LUZP2: variants seen among roughly 807,000 people sequenced by gnomAD.
The protein encoded by LUZP2 is leucine zipper protein 2.
Under a neutral mutation model 51.6 loss-of-function variants are expected in LUZP2, and 52 were observed. The ratio of observed to expected loss-of-function variants is 1.01; its 90% CI spans 0.81 to 1.27. The LOEUF is 1.27. LUZP2 is among the 50% of genes most tolerant of loss of function. The pLI is 0.00. For synonymous variants in LUZP2, 154 were observed against 137.3 expected (o/e 1.12, Z -0.85); for missense variants, 436 against 395.4 (o/e 1.10, Z -0.87).
intron 1 of LUZP2, among the ~76,000 whole-genome samples, chr11:24,723,999 G>A (rs1329542028): frequency 1.3e-5 from 2 of 152,110 alleles, no homozygotes; most frequent in Non-Finnish European, 2.9e-5. Flanking sequence ...ATAATTTTAA[G>A]TCACAGAAGT....
At chr11:24,850,759 A>C (rs1851367243) in intron 5 of LUZP2, among the ~76,000 whole-genome samples, 1 of 152,156 alleles carries the variant, frequency 6.6e-6, no homozygotes, top group Non-Finnish European at 1.5e-5. Context: ...TGAGCATGGA[A>C]TATTTTTCCA....
chr11:24,733,442 G>A (rs186130607), intron 3 of LUZP2, among the ~76,000 whole-genome samples: 91 of 151,740 alleles, frequency 6.0e-4, no homozygotes, highest in Admixed American at 3.5e-3. Context: ...TTATTCAGTC[G>A]GAAAATAGAA....
chr11:24,636,343 A>G (rs1855105923), intron 1 of LUZP2, among the ~76,000 whole-genome samples: 1 of 152,132 alleles, frequency 6.6e-6, no homozygotes, highest in Admixed American at 6.6e-5. Flanking sequence ...AATATAATCA[A>G]CCTGGAGCTA....
intron 5 of LUZP2, among the ~76,000 whole-genome samples, chr11:24,786,945 C>T (rs937534332): frequency 2.0e-5 from 3 of 152,030 alleles, no homozygotes; most frequent in African/African-American, 7.2e-5. Context: ...TAATAACTGC[C>T]ACTAAAACAG....
chr11:24,687,789 G>T (rs1483932091), intron 1 of LUZP2, among the ~76,000 whole-genome samples: 1 of 152,114 alleles, frequency 6.6e-6, no homozygotes, highest in African/African-American at 2.4e-5. Flanking sequence ...CTGGTCTGAA[G>T]ATCTAAATAT....
At chr11:24,957,638 C>T (rs1855248493) in intron 7 of LUZP2, among the ~76,000 whole-genome samples, 1 of 152,104 alleles carries the variant, frequency 6.6e-6, no homozygotes, top group African/African-American at 2.4e-5. Context: ...GCATAATGCT[C>T]TTCAATTCCA....
chr11:24,960,190 A>G (rs905688078), intron 7 of LUZP2, among the ~76,000 whole-genome samples: 1 of 152,146 alleles, frequency 6.6e-6, no homozygotes, highest in Non-Finnish European at 1.5e-5. Context: ...ATGTTCATCA[A>G]GGATATTGTT....
At chr11:25,070,280 C>A (rs1445394213) in intron 10 of LUZP2, among the ~76,000 whole-genome samples, 1 of 151,848 alleles carries the variant, frequency 6.6e-6, no homozygotes, top group Non-Finnish European at 1.5e-5. Context: ...TAACCATCCC[C>A]CAGAAGTGTA....
intron 5 of LUZP2, among the ~76,000 whole-genome samples, chr11:24,881,099 CT>C (rs1852453255): frequency 1.3e-5 from 2 of 151,996 alleles, no homozygotes; most frequent in South Asian, 4.1e-4. Flanking sequence ...GCCAGGTAAG[CT>C]TAAGAGATTC....
chr11:25,060,708 T>G (rs1355246532), intron 10 of LUZP2, among the ~76,000 whole-genome samples: 4 of 152,294 alleles, frequency 2.6e-5, no homozygotes, highest in Middle Eastern at 3.4e-3. Flanking sequence ...TTTTCAACAG[T>G]ATAAATAAAA....
chr11:24,881,271 C>A (rs1852458319), intron 5 of LUZP2, among the ~76,000 whole-genome samples: 1 of 149,420 alleles, frequency 6.7e-6, no homozygotes. Context: ...AAGAGTCATG[C>A]TTGATAAAGA....
chr11:25,015,908 T>G (rs1036984879), intron 9 of LUZP2, among the ~76,000 whole-genome samples: 1 of 151,716 alleles, frequency 6.6e-6, no homozygotes, highest in Non-Finnish European at 1.5e-5. Flanking sequence ...TTTTTTTTTT[T>G]TTGTATTTTT....
chr11:24,695,450 G>A (rs2133897299), intron 1 of LUZP2, among the ~76,000 whole-genome samples: 1 of 152,040 alleles, frequency 6.6e-6, no homozygotes, highest in Admixed American at 6.6e-5. Flanking sequence ...TCAACAATTG[G>A]TTATTTCTTT....
At chr11:24,527,409 A>G (rs1172026575) in intron 1 of LUZP2, among the ~76,000 whole-genome samples, 1 of 149,800 alleles carries the variant, frequency 6.7e-6, no homozygotes, top group Non-Finnish European at 1.5e-5. Flanking sequence ...TTGCAGTTCT[A>G]AGAGTAAATA....
chr11:24,895,300 T>G (rs536139800), intron 5 of LUZP2, among the ~76,000 whole-genome samples: 1 of 152,138 alleles, frequency 6.6e-6, no homozygotes, highest in South Asian at 2.1e-4. Flanking sequence ...GATAAAAACT[T>G]AAGGAATGAG....
intron 9 of LUZP2, among the ~76,000 whole-genome samples, chr11:25,024,999 A>G (rs191554085): frequency 2.6e-4 from 39 of 152,074 alleles, no homozygotes; most frequent in African/African-American, 9.4e-4. Context: ...CCACACATCT[A>G]CAACCATCTG....
Position 24,670,307 on chromosome 11 carries a change from T to C in LUZP2, c.63-58862T>C, listed in dbSNP as rs559501237. 2.3e-4 allele frequency among the ~76,000 whole-genome samples: 35 copies of C among 152,198 alleles called. 2 individuals are homozygous for C. The South Asian group carries it at 7.3e-3, about 32-fold the overall frequency. Reference sequence around the variant, plus strand: ...AAATGGCAATTATTTTATCTTTTCTTGTGTAAGGATGACTATGGTCATAAT... The same window carrying C: ...AAATGGCAATTATTTTATCTTTTCTCGTGTAAGGATGACTATGGTCATAAT... On this transcript the variant is annotated intron_variant, in intron 1 of 11. Coordinates refer to ENST00000336930, the MANE Select transcript of LUZP2 (RefSeq NM_001009909.4).
intron 9 of LUZP2, among the ~76,000 whole-genome samples, chr11:25,003,411 T>C (rs7951292): frequency 0.97 from 147,158 of 152,202 alleles, 71,325 homozygotes; most frequent in East Asian, 1. Flanking sequence ...GGTCCAGAAC[T>C]GTGAACCATT....
chr11:24,502,620 A>G (rs1850031761), intron 1 of LUZP2, among the ~76,000 whole-genome samples: 1 of 152,000 alleles, frequency 6.6e-6, no homozygotes, highest in Non-Finnish European at 1.5e-5. Flanking sequence ...CCATGACCTC[A>G]TGATCCACCC....
Sources: allele counts gnomAD v4.1 joint callset (sites outside exome capture counted in the v4.1 genomes callset), GRCh38; gene constraint gnomAD v4.1.1; transcripts MANE v1.5; gene names NCBI Gene and HGNC (gene_info 2026-07-23, HGNC 2026-07-21).